Variants in MYEF2 observed in about 807,000 individuals in gnomAD.
MYEF2 encodes the protein myelin expression factor 2.
Under a neutral mutation model 75.2 loss-of-function variants are expected in MYEF2, and 37 were observed. The observed-to-expected ratio is 0.49, with a 90% CI of 0.38 to 0.65. MYEF2 has a LOEUF of 0.65. Among genes scored for constraint, MYEF2 ranks in the 30% least tolerant of loss-of-function variants. The probability of loss-of-function intolerance (pLI) is 0.00; values close to 1 mark genes in which losing one functional copy is unlikely to be tolerated. For synonymous variants in MYEF2, 195 were observed against 241.6 expected (o/e 0.81, Z 1.79); for missense variants, 634 against 771.4 (o/e 0.82, Z 2.11).
intron 1 of MYEF2, among the ~76,000 whole-genome samples, chr15:48,177,003 T>C (rs1328696891): frequency 1.3e-5 from 2 of 152,188 alleles, no homozygotes; most frequent in African/African-American, 4.8e-5. Flanking sequence ...ACTGGTCCAG[T>C]TCTTACCATA....
chr15:48,151,774 G>T, intron 12 of MYEF2, 100 bp downstream of exon 12: 1 of 1,406,620 alleles, frequency 7.1e-7, no homozygotes, highest in Non-Finnish European at 1.0e-6. Context: ...TATGCCTTCT[G>T]AAGACATTTT....
chr15:48,161,814 G>A (rs1405334645), intron 5 of MYEF2, among the ~76,000 whole-genome samples: 1 of 147,230 alleles, frequency 6.8e-6, no homozygotes, highest in Non-Finnish European at 1.5e-5. Context: ...TTGTCAGGTT[G>A]GTGCAAAAGT....
intron 3 of MYEF2, 88 bp from the exon 4 acceptor site, chr15:48,166,216 A>G: frequency 9.3e-7 from 1 of 1,072,994 alleles, no homozygotes; most frequent in East Asian, 2.4e-5. Context: ...TAACATTTCA[A>G]TCATTAAGGC....
intron 14 of MYEF2, among the ~76,000 whole-genome samples, chr15:48,150,883 A>G (rs2039467573): frequency 6.6e-6 from 1 of 152,130 alleles, no homozygotes. Context: ...CACATAGTTT[A>G]GAAATATCAA....
At chr15:48,152,099 C>T in intron 11 of MYEF2, 135 bp downstream of exon 11, 1 of 1,168,144 alleles carries the variant, frequency 8.6e-7, no homozygotes, top group Non-Finnish European at 1.3e-6. Context: ...GTACCAGGCT[C>T]AATTTCTGCT....
At chr15:48,156,889 T>C (rs918625355) in intron 9 of MYEF2, among the ~76,000 whole-genome samples, 1 of 152,126 alleles carries the variant, frequency 6.6e-6, no homozygotes, top group Non-Finnish European at 1.5e-5. Context: ...AGTCAAATTA[T>C]TAAAACCTAA....
Position 48,165,920 on chromosome 15 carries a change from T to C in MYEF2, c.525+13A>G, listed in dbSNP as rs1211590034. ...TAGTCAAATGTTTAAATTCTAAATA[T>C]GAGAAATCTTACCTCTTTAATATTA... is the stretch of plus-strand genomic sequence containing the variant. On this transcript the variant is annotated intron_variant, in intron 5 of 16. Coordinates refer to ENST00000324324, the MANE Select transcript of MYEF2 (RefSeq NM_016132.5). 4 of 1,460,476 alleles carry C rather than the reference T, an allele frequency of 2.7e-6. No individual in the cohort carries two copies. The highest frequency in any genetic ancestry group is 1.3e-5 in the South Asian group (1 of 79,284). The allele number at this position is 1,460,476 out of a possible 1,614,324, so 90.5% of individuals were successfully genotyped here.
rs142497708 is a variant in MYEF2 at position 48,142,032 on chromosome 15, A to G, written c.*876T>C. The stretch of plus-strand genomic sequence containing the variant: ...ACAGTATGCTTTTCTTTTGTAGGGA[A>G]AGGAGATATGGCTATGTCTAACATC... On this transcript the variant is annotated 3_prime_UTR_variant, in exon 17 of 17. Coordinates refer to ENST00000324324, the MANE Select transcript of MYEF2 (RefSeq NM_016132.5). The G allele has an allele frequency of 8.1e-6, 13 of 1,604,282 alleles. No homozygotes were observed. The African/African-American group carries it at 1.6e-4, about 20-fold the overall frequency.
chr15:48,154,670 T>C (rs1464218476), intron 9 of MYEF2, among the ~76,000 whole-genome samples: 1 of 152,142 alleles, frequency 6.6e-6, no homozygotes, highest in Non-Finnish European at 1.5e-5. Context: ...TAAACTATCT[T>C]TGAAAACATT....
intron 5 of MYEF2, among the ~76,000 whole-genome samples, chr15:48,160,888 A>ATGT: frequency 6.6e-6 from 1 of 152,218 alleles, no homozygotes; most frequent in East Asian, 1.9e-4. Flanking sequence ...AGAAAAAAAA[A>ATGT]ATGTATCAAA....
At chr15:48,161,531 C>CT (rs924058858) in intron 5 of MYEF2, among the ~76,000 whole-genome samples, 39 of 147,414 alleles carry the variant, frequency 2.6e-4, no homozygotes, top group East Asian at 2.2e-3. Context: ...CAAATTTAGC[C>CT]TTTTTTTTTT....
intron 1 of MYEF2, 40 bp downstream of exon 1, chr15:48,178,036 GC>G (rs761705219): frequency 2.6e-6 from 4 of 1,561,214 alleles, no homozygotes; most frequent in Non-Finnish European, 2.6e-6. Context: ...TAGACTCCCC[GC>G]CCCCCACCTC....
At chr15:48,148,151 G>T (rs1043378538) in intron 16 of MYEF2, among the ~76,000 whole-genome samples, 7 of 151,942 alleles carry the variant, frequency 4.6e-5, no homozygotes, top group African/African-American at 1.7e-4. Context: ...CATGACCTCA[G>T]AAATTATATA....
intron 6 of MYEF2, 70 bp downstream of exon 6, chr15:48,159,543 A>G (rs2140886331): frequency 7.3e-7 from 1 of 1,369,058 alleles, no homozygotes; most frequent in Non-Finnish European, 1.0e-6. Flanking sequence ...CTATAAACCT[A>G]TAACTCATTC....
At chr15:48,154,062 C>T (rs781280795) in intron 9 of MYEF2, 169 bp from the exon 10 acceptor site, 2 of 532,168 alleles carry the variant, frequency 3.8e-6, no homozygotes, top group Admixed American at 6.6e-5. Context: ...CACACTGAAG[C>T]CCGACTATAA....
chr15:48,156,917 C>T (rs1048931675), intron 9 of MYEF2, among the ~76,000 whole-genome samples: 1 of 151,878 alleles, frequency 6.6e-6, no homozygotes, highest in Non-Finnish European at 1.5e-5. Flanking sequence ...ATACTCTATC[C>T]ATAAGTTGTT....
intron 1 of MYEF2, among the ~76,000 whole-genome samples, chr15:48,175,699 G>A (rs1389670716): frequency 6.6e-6 from 1 of 151,984 alleles, no homozygotes; most frequent in Non-Finnish European, 1.5e-5. Flanking sequence ...ATATTTTATA[G>A]TACCCTAATA....
At chr15:48,160,111 G>A (rs533067415) in intron 5 of MYEF2, among the ~76,000 whole-genome samples, 86 of 152,158 alleles carry the variant, frequency 5.7e-4, no homozygotes, top group African/African-American at 1.9e-3. Context: ...ACTCAAAGAA[G>A]AGCGAAGTAC....
intron 1 of MYEF2, among the ~76,000 whole-genome samples, chr15:48,173,279 T>G (rs936857874): frequency 6.6e-6 from 1 of 152,122 alleles, no homozygotes; most frequent in African/African-American, 2.4e-5. Flanking sequence ...GAAAAAGCAT[T>G]TGACAAAACT....
Sources: gnomAD v4.1 joint callset for allele counts (sites outside exome capture counted in the v4.1 genomes callset) on GRCh38, gnomAD v4.1.1 for gene constraint, MANE v1.5 for transcripts, NCBI Gene and HGNC (gene_info 2026-07-23, HGNC 2026-07-21) for gene names.